The following AGBL4 variants were observed in gnomAD, a reference collection of about 807,000 sequenced individuals.
AGBL4 encodes AGBL carboxypeptidase 4.
AGBL4 carries 58 observed loss-of-function variants against 66.4 expected under a neutral mutation model. The ratio of observed to expected loss-of-function variants is 0.87; its 90% CI spans 0.71 to 1.09. The LOEUF (loss-of-function observed/expected upper bound fraction) is 1.09, where lower values mean the gene tolerates loss of function less well. Ranked by LOEUF, AGBL4 falls within the 50% of genes least tolerant of loss-of-function variation. AGBL4 has a pLI of 0.00. For synonymous variants in AGBL4, 234 were observed against 222.9 expected (o/e 1.05, Z -0.44); for missense variants, 579 against 631.0 (o/e 0.92, Z 0.88).
chr1:49,266,053 T>C (rs1183569692), intron 3 of AGBL4: 3 of 152,214 alleles, frequency 2.0e-5, no homozygotes, highest in Admixed American at 6.5e-5. Flanking sequence ...CTATTATAAG[T>C]TGATGTTGAA....
At chr1:49,412,520 C>T (rs1645338213) in intron 3 of AGBL4, among the ~76,000 whole-genome samples, 1 of 152,098 alleles carries the variant, frequency 6.6e-6, no homozygotes, top group African/African-American at 2.4e-5. Flanking sequence ...GTATAACAGC[C>T]TCTAACTATT....
At chr1:48,937,797 T>C (rs970388740) in intron 5 of AGBL4, among the ~76,000 whole-genome samples, 2 of 152,180 alleles carry the variant, frequency 1.3e-5, no homozygotes, top group Non-Finnish European at 2.9e-5. Flanking sequence ...ACCATGTCTC[T>C]GGGGCTAGAA....
At position 49,038,615 on chromosome 1, in the gene AGBL4, G is replaced by A. The variant is rs1333817109; in HGVS notation, c.594+6969C>T. ...TATGAGAAGATGCTTTACATCATATGTCACTTGGGAAATGCAAATCGAAAC... is the reference window on the plus strand; with the variant it reads ...TATGAGAAGATGCTTTACATCATATATCACTTGGGAAATGCAAATCGAAAC... On this transcript the variant is annotated intron_variant, in intron 5 of 13. Coordinates refer to ENST00000371839, the MANE Select transcript of AGBL4 (RefSeq NM_032785.4). Among the ~76,000 whole-genome samples, 8 of 152,100 alleles carry A rather than the reference G, an allele frequency of 5.3e-5. No individual in the cohort carries two copies. In the East Asian group the frequency reaches 1.5e-3, roughly 29 times the overall value.
chr1:48,887,950 C>T (rs1036418738), intron 5 of AGBL4, among the ~76,000 whole-genome samples: 9 of 152,158 alleles, frequency 5.9e-5, no homozygotes, highest in African/African-American at 2.2e-4. Flanking sequence ...AATTAATGAT[C>T]AGACTGGGAT....
chr1:49,135,842 C>A (rs952320220), intron 4 of AGBL4, among the ~76,000 whole-genome samples: 10 of 152,138 alleles, frequency 6.6e-5, no homozygotes, highest in African/African-American at 2.4e-4. Context: ...TTGTTTATGG[C>A]CAGTTTTGGT....
At chr1:49,155,906 G>A (rs1332584181) in intron 4 of AGBL4, among the ~76,000 whole-genome samples, 2 of 152,126 alleles carry the variant, frequency 1.3e-5, no homozygotes, top group Non-Finnish European at 2.9e-5. Context: ...GTACCCTAAT[G>A]TTTCTTAAAT....
intron 3 of AGBL4, among the ~76,000 whole-genome samples, chr1:49,390,639 C>G (rs1644825441): frequency 6.6e-6 from 1 of 152,158 alleles, no homozygotes; most frequent in Non-Finnish European, 1.5e-5. Context: ...ATACACAGTA[C>G]AGGAAGTAGT....
In AGBL4 at chr1:49,486,343, C is replaced by T. The variant is rs116788435; in HGVS notation, c.282+210970G>A. The stretch of plus-strand genomic sequence containing the variant: ...ACCATCAACAACTTAATAAGTTCAC[C>T]TATCATTAGAACCAGTACCTAGCAT... On this transcript the variant is annotated intron_variant, in intron 3 of 13. Coordinates refer to ENST00000371839, the MANE Select transcript of AGBL4 (RefSeq NM_032785.4). Among the ~76,000 whole-genome samples the T allele has an allele frequency of 6.1e-3, 926 of 151,974 alleles. 10 individuals carry two copies. Among genetic ancestry groups the T allele is most frequent in the African/African-American group, 0.021 (862 of 41,488 alleles).
At chr1:49,260,439 G>A (rs931040700) in intron 3 of AGBL4, among the ~76,000 whole-genome samples, 102 of 151,634 alleles carry the variant, frequency 6.7e-4, no homozygotes, top group African/African-American at 2.4e-3. Flanking sequence ...AAAGAGAGAA[G>A]AATCAAATAG....
intron 4 of AGBL4, among the ~76,000 whole-genome samples, chr1:49,129,848 C>T (rs1402529315): frequency 2.6e-5 from 4 of 152,110 alleles, no homozygotes; most frequent in Admixed American, 2.0e-4. Context: ...ATGGCTGGGT[C>T]AAATGGTATT....
At chr1:49,122,051 C>T (rs1645665783) in intron 4 of AGBL4, among the ~76,000 whole-genome samples, 1 of 152,222 alleles carries the variant, frequency 6.6e-6, no homozygotes, top group Non-Finnish European at 1.5e-5. Context: ...CTGCCAGTTG[C>T]TAAGACCTTG....
intron 5 of AGBL4, among the ~76,000 whole-genome samples, chr1:48,997,283 G>A (rs1006170070): frequency 1.3e-5 from 2 of 151,994 alleles, no homozygotes; most frequent in East Asian, 1.9e-4. Flanking sequence ...GATCAAATGG[G>A]GTCTAAAATA....
chr1:49,245,663 T>A (rs1474617159), intron 4 of AGBL4, 107 bp downstream of exon 4: 3 of 739,280 alleles, frequency 4.1e-6, no homozygotes, highest in Non-Finnish European at 6.5e-6. Context: ...CTTTTAAAAA[T>A]TTTTATTTTT....
At chr1:48,656,132 C>G (rs1646016340) in intron 7 of AGBL4, among the ~76,000 whole-genome samples, 1 of 152,214 alleles carries the variant, frequency 6.6e-6, no homozygotes, top group Non-Finnish European at 1.5e-5. Context: ...AGGCTGGAAG[C>G]TGGAGAGGCC....
At chr1:48,834,530 T>A (rs1275250354) in intron 6 of AGBL4, among the ~76,000 whole-genome samples, 1 of 152,016 alleles carries the variant, frequency 6.6e-6, no homozygotes, top group Non-Finnish European at 1.5e-5. Context: ...TGGGCCCTCA[T>A]GATGGGATTA....
At chr1:49,707,018 C>A (rs565802144) in intron 2 of AGBL4, among the ~76,000 whole-genome samples, 21 of 152,114 alleles carry the variant, frequency 1.4e-4, no homozygotes, top group Non-Finnish European at 2.9e-4. Flanking sequence ...AATGTATATT[C>A]TGTTGATTTG....
intron 3 of AGBL4, among the ~76,000 whole-genome samples, chr1:49,571,752 T>A: frequency 6.6e-6 from 1 of 152,112 alleles, no homozygotes; most frequent in East Asian, 1.9e-4. Flanking sequence ...CTCCCTTCTG[T>A]GTCATTTGTT....
chr1:49,362,018 T>C (rs1166929242), intron 3 of AGBL4, among the ~76,000 whole-genome samples: 1 of 152,144 alleles, frequency 6.6e-6, no homozygotes, highest in Non-Finnish European at 1.5e-5. Flanking sequence ...CTCACATTAA[T>C]TAGTAGATGC....
At chr1:48,818,771 A>C (rs1454955145) in intron 6 of AGBL4, among the ~76,000 whole-genome samples, 1 of 152,168 alleles carries the variant, frequency 6.6e-6, no homozygotes, top group Non-Finnish European at 1.5e-5. Flanking sequence ...TGCATGCAAA[A>C]AACAGCCTGG....
Sources: allele counts gnomAD v4.1 joint callset (sites outside exome capture counted in the v4.1 genomes callset), GRCh38; gene constraint gnomAD v4.1.1; transcripts MANE v1.5; gene names NCBI Gene and HGNC (gene_info 2026-07-23, HGNC 2026-07-21).